CA5A: variants seen among roughly 807,000 people sequenced by gnomAD.
CA5A encodes carbonic anhydrase 5A.
A neutral mutation model predicts 37.1 loss-of-function variants in CA5A; 28 were observed. The observed-to-expected ratio is 0.75, with a 90% CI of 0.56 to 1.03. The LOEUF is 1.03. Ranked by LOEUF, CA5A falls within the 50% of genes least tolerant of loss-of-function variation. The pLI is 0.00. For missense variants in CA5A, 444 were observed against 399.9 expected (o/e 1.11, Z -0.94); for synonymous variants, 171 against 158.4 (o/e 1.08, Z -0.60).
At position 87,916,084 on chromosome 16, in the gene CA5A, C is replaced by T. The variant is rs376780069; in HGVS notation, c.340+10664G>A. Among the ~76,000 whole-genome samples, 476 of 149,622 alleles carry T rather than the reference C, an allele frequency of 3.2e-3. 1 individual carries two copies. Among genetic ancestry groups the T allele is most frequent in the African/African-American group, 0.011 (458 of 39,918 alleles). Reference sequence around the variant, plus strand: ...TCGGGAGCCTGCGGCAGGAGAATGGCGTGAACCCGGGAGGTGGAGCTTGCA... The same window carrying T: ...TCGGGAGCCTGCGGCAGGAGAATGGTGTGAACCCGGGAGGTGGAGCTTGCA... On this transcript the variant is annotated intron_variant, in intron 2 of 6. Transcript: ENST00000649794.
chr16:87,915,978 G>A (rs566008856), intron 2 of CA5A, among the ~76,000 whole-genome samples: 19 of 151,880 alleles, frequency 1.3e-4, no homozygotes, highest in East Asian at 5.8e-4. Context: ...GGGAGGCCTC[G>A]CAATCACGGC....
At chr16:87,935,188 G>T (rs1480632793) in intron 1 of CA5A, among the ~76,000 whole-genome samples, 1 of 152,220 alleles carries the variant, frequency 6.6e-6, no homozygotes, top group African/African-American at 2.4e-5. Context: ...AACATGGAAT[G>T]CATGGAAGAT....
intron 1 of CA5A, among the ~76,000 whole-genome samples, chr16:87,932,382 TTC>T (rs2056419892): frequency 6.6e-6 from 1 of 151,884 alleles, no homozygotes; most frequent in Non-Finnish European, 1.5e-5. Flanking sequence ...TAATTTTAGG[TTC>T]TGTTTGCTGA....
chr16:87,931,504 G>A (rs986412637), intron 1 of CA5A, among the ~76,000 whole-genome samples: 5 of 152,304 alleles, frequency 3.3e-5, no homozygotes, highest in East Asian at 1.9e-4. Flanking sequence ...CTCACTCTCC[G>A]AGTTACCTGG....
chr16:87,910,023 G>A (rs2056027389), intron 2 of CA5A, among the ~76,000 whole-genome samples: 1 of 152,168 alleles, frequency 6.6e-6, no homozygotes, highest in Admixed American at 6.6e-5. Context: ...TGCTGTTACG[G>A]TTAAGTCACA....
chr16:87,909,674 G>A lies in CA5A; in HGVS notation c.341-4770C>T, dbSNP rs565646716. ...TCCTCTTCAGCATCAGTCTAGTGTG[G>A]GATTCATACACCTTGAGCCTCTTTC... On this transcript the variant is annotated intron_variant, in intron 2 of 6. Transcript: ENST00000649794. 3.4e-4 allele frequency among the ~76,000 whole-genome samples: 52 copies of A among 152,256 alleles called. No individual in the cohort carries two copies. The South Asian group carries it at 0.01, about 30-fold the overall frequency.
chr16:87,897,283 C>G (rs920530268), intron 5 of CA5A, among the ~76,000 whole-genome samples: 1 of 152,272 alleles, frequency 6.6e-6, no homozygotes, highest in Non-Finnish European at 1.5e-5. Context: ...ACCCCAGCAG[C>G]CTGAGGAGCT....
chr16:87,926,780 T>G lies in CA5A; in HGVS notation c.308A>C (p.Gln103Pro), dbSNP rs2056317747. ...LYIWNTGYLF[Q>P]VEFDDATEAS... ...CTCGGTGGCATCGTCAAATTCCACCTGGAAGAGGTAGCCAGTGTTCCAGAT... is the reference window on the plus strand; with the variant it reads ...CTCGGTGGCATCGTCAAATTCCACCGGGAAGAGGTAGCCAGTGTTCCAGAT... Residue 103 changes from glutamine to proline, a missense_variant, in exon 2 of 7, where the codon CAG becomes CCG. Transcript: ENST00000649794. 1 of 1,613,942 alleles carries G rather than the reference T, an allele frequency of 6.2e-7. No individual in the cohort carries two copies. Among genetic ancestry groups the G allele is most frequent in the South Asian group, 1.1e-5 (1 of 91,072 alleles).
At chr16:87,890,444 G>A (rs1246672614) in intron 6 of CA5A, among the ~76,000 whole-genome samples, 3 of 152,132 alleles carry the variant, frequency 2.0e-5, no homozygotes, top group East Asian at 1.9e-4. Context: ...TGGAGCCCTC[G>A]GAAAGAGATG....
chr16:87,904,992 A>G lies in CA5A; in HGVS notation c.341-88T>C. 1.1e-5 allele frequency: 9 copies of G among 798,100 alleles called. No homozygotes were observed. The South Asian group carries it at 1.3e-4, about 12-fold the overall frequency. The allele number at this position is 798,100 out of a possible 1,614,324, so 49.4% of individuals were successfully genotyped here. ...CTGAGGCATTGTCTACATTAGGGTT[A>G]TATGAGTTCACTCGCAAGGGGTTGC... On this transcript the variant is annotated intron_variant, in intron 2 of 6. Transcript: ENST00000649794.
chr16:87,918,318 G>T (rs1441075049), intron 2 of CA5A, among the ~76,000 whole-genome samples: 1 of 152,234 alleles, frequency 6.6e-6, no homozygotes, highest in Admixed American at 6.5e-5. Flanking sequence ...GACAGGCACA[G>T]TGTGGCAGCG....
rs536825620 is a variant in CA5A at position 87,894,540 on chromosome 16, A to C, written c.619-2586T>G. On this transcript the variant is annotated intron_variant, in intron 5 of 6. Transcript: ENST00000649794. ...GCAGACACATGCATCAGTTCTATGC[A>C]CGCATGTTCACGTTTATAATTATCC... is the stretch of plus-strand genomic sequence containing the variant. Among the ~76,000 whole-genome samples the C allele has an allele frequency of 6.6e-5, 10 of 151,790 alleles. No homozygotes were observed. In the East Asian group the frequency reaches 1.9e-3, roughly 29 times the overall value.
intron 5 of CA5A, among the ~76,000 whole-genome samples, chr16:87,897,725 C>T (rs1411855378): frequency 2.0e-5 from 3 of 152,238 alleles, no homozygotes; most frequent in Non-Finnish European, 2.9e-5. Flanking sequence ...GGTTTAAAAA[C>T]GGGCTCTTCA....
chr16:87,923,318 A>G (rs1410851117), intron 2 of CA5A, among the ~76,000 whole-genome samples: 2 of 152,134 alleles, frequency 1.3e-5, no homozygotes, highest in Admixed American at 6.5e-5. Context: ...TCCCCCGAGG[A>G]ACTGGAACCA....
rs958843750 is a variant in CA5A at position 87,930,295 on chromosome 16, C to T, written c.143-3350G>A. ...CCTTACAGGTGGGAAAGCAGAGGGC[C>T]GGGGGCTGGAGTCACTTTTCCAAGA... On this transcript the variant is annotated intron_variant, in intron 1 of 6. Coordinates refer to ENST00000649794, the MANE Select transcript of CA5A (RefSeq NM_001739.2). Among the ~76,000 whole-genome samples the T allele has an allele frequency of 2.0e-5, 3 of 152,102 alleles. No individual in the cohort carries two copies. The East Asian group carries it at 5.8e-4, about 29-fold the overall frequency.
chr16:87,890,038 G>C (rs541051803), intron 6 of CA5A, among the ~76,000 whole-genome samples: 2 of 152,316 alleles, frequency 1.3e-5, no homozygotes, highest in Admixed American at 6.5e-5. Context: ...CACATTTGTT[G>C]ACTGTGCAGC....
rs1373861917 is a variant in CA5A, at chr16:87,911,078, T to A, written c.341-6174A>T. On this transcript the variant is annotated intron_variant, in intron 2 of 6. Coordinates refer to ENST00000649794, the MANE Select transcript of CA5A (RefSeq NM_001739.2). This position sits in a 1 kb window ranked among gnomAD's most constrained non-coding sequence, Gnocchi z 4.6. ...GTGACTTTTCATAATGACAATACAA[T>A]GTCAGGGTATTCTCCTTAATCAAAA... Among the ~76,000 whole-genome samples, 3 of 139,492 alleles carry A rather than the reference T, an allele frequency of 2.2e-5. No individual in the cohort carries two copies. The highest frequency in any genetic ancestry group is 8.2e-5 in the African/African-American group (3 of 36,458). 91.5% of individuals were successfully genotyped at this position (139,492 alleles called of 152,430 possible). A position where few individuals can be genotyped will look rare whatever the true frequency, so the allele number is the denominator to read the frequency against.
intron 5 of CA5A, among the ~76,000 whole-genome samples, chr16:87,899,108 T>C (rs1327382825): frequency 1.3e-5 from 2 of 151,972 alleles, no homozygotes; most frequent in African/African-American, 4.8e-5. Flanking sequence ...TCAGGAGTGG[T>C]GGATCTGGGC....
chr16:87,910,519 C>T (rs992920031), intron 2 of CA5A, among the ~76,000 whole-genome samples: 6 of 152,128 alleles, frequency 3.9e-5, no homozygotes, highest in African/African-American at 1.2e-4. Flanking sequence ...CTGCTACTTG[C>T]CTTGCCAGTA....
Sources: gnomAD v4.1 joint callset for allele counts (sites outside exome capture counted in the v4.1 genomes callset) on GRCh38, gnomAD v4.1.1 for gene constraint, Gnocchi (gnomAD v3.1) non-coding constraint, MANE v1.5 for transcripts, NCBI Gene and HGNC (gene_info 2026-07-23, HGNC 2026-07-21) for gene names.